RSPO1: variants seen among roughly 807,000 people sequenced by gnomAD.
The protein encoded by RSPO1 is R-spondin-1.
In RSPO1, 18 loss-of-function variants were observed where a neutral mutation model predicts 26.0. The observed-to-expected ratio is 0.69, with a 90% confidence interval of 0.48 to 1.03. The LOEUF is 1.03. Among genes scored for constraint, RSPO1 ranks in the 50% least tolerant of loss-of-function variants. The pLI, the probability that RSPO1 is intolerant of heterozygous loss-of-function variation, is 0.00. For synonymous variants in RSPO1, 133 were observed against 137.4 expected, an observed-to-expected ratio of 0.97 and a Z score of 0.22; for missense variants, 309 against 352.3, an observed-to-expected ratio of 0.88 and a Z score of 0.98.
chr1:37,616,373 C>G, intron 4 of RSPO1, 111 bp downstream of exon 4: 1 of 967,298 alleles, frequency 1.0e-6, no homozygotes, highest in South Asian at 1.4e-5. Context: ...CTCATCTCCT[C>G]TCCTCAGAGC....
At chr1:37,618,795 G>A (rs1570104196) in intron 3 of RSPO1, among the ~76,000 whole-genome samples, 1 of 152,170 alleles carries the variant, frequency 6.6e-6, no homozygotes, top group Non-Finnish European at 1.5e-5. Flanking sequence ...AGAGAAGCGA[G>A]TTGAGAGGGA....
At chr1:37,630,027 A>G in intron 2 of RSPO1, 78 bp from the exon 3 acceptor site, 1 of 692,076 alleles carries the variant, frequency 1.4e-6, no homozygotes, top group South Asian at 1.7e-5. Context: ...CCTACCCAGA[A>G]GACTGGGAGC....
At chr1:37,627,243 C>G (rs1402212638) in intron 3 of RSPO1, among the ~76,000 whole-genome samples, 1 of 152,100 alleles carries the variant, frequency 6.6e-6, no homozygotes, top group African/African-American at 2.4e-5. Flanking sequence ...CCACGCTTGT[C>G]TTATCGAGAG....
In RSPO1 at chr1:37,612,903, C is replaced by G; in HGVS notation, c.644G>C (p.Gly215Ala). The change falls in exon 7 of 7, where the codon GGA becomes GCA. Residue 215 changes from glycine to alanine, a missense_variant. Physicochemically the swap from Gly to Ala is moderately conservative, Grantham distance 60. Transcript: ENST00000356545. ...GGCATTCTCCCGCCGGCCCTGGCCT[C>G]CCTTCCTCCTCTTCTGCCCTGAAAC... ...PCPEGQKRRK[G>A]GQGRRENANR... 6.2e-7 allele frequency: 1 copy of G among 1,614,132 alleles called. No individual in the cohort carries two copies. The highest frequency in any genetic ancestry group is 8.5e-7 in the Non-Finnish European group (1 of 1,180,036).
chr1:37,612,716 G>C lies in RSPO1; in HGVS notation c.*39C>G. ...AGCTTGAATCACGCAGAGTAGCACT[G>C]AACTCTTTCTGCATGGGCCTGGAGG... On this transcript the variant is annotated 3_prime_UTR_variant, in exon 7 of 7. Coordinates refer to ENST00000356545, the MANE Select transcript of RSPO1 (RefSeq NM_001242908.2). 1 of 1,600,776 alleles carries C rather than the reference G, an allele frequency of 6.2e-7. No homozygotes were observed. The highest frequency in any genetic ancestry group is 1.1e-5 in the South Asian group (1 of 90,984).
chr1:37,631,807 G>A (rs887700407), intron 2 of RSPO1: 6 of 152,154 alleles, frequency 3.9e-5, no homozygotes, highest in Admixed American at 2.6e-4. Flanking sequence ...CATTCAAAAG[G>A]CAATATGAAC....
rs768623621 is a variant in RSPO1 at position 37,612,713 on chromosome 1, A to G, written c.*42T>C. On this transcript the variant is annotated 3_prime_UTR_variant, in exon 7 of 7. Transcript: ENST00000356545. ...GAAAGCTTGAATCACGCAGAGTAGC[A>G]CTGAACTCTTTCTGCATGGGCCTGG... 2 of 1,597,708 alleles carry G rather than the reference A, an allele frequency of 1.3e-6. No individual in the cohort carries two copies. Among genetic ancestry groups the G allele is most frequent in the Admixed American group, 3.3e-5 (2 of 60,004 alleles).
Position 37,613,519 on chromosome 1 carries a change from G to A in RSPO1, c.625+185C>T, listed in dbSNP as rs1365068511. ...TCCAGCTTCCACTATGCAGAGTTCT[G>A]AGGCCCTGTTCTCTGCCAGGACATG... On this transcript the variant is annotated intron_variant, in intron 6 of 6. Coordinates refer to ENST00000356545, the MANE Select transcript of RSPO1 (RefSeq NM_001242908.2). This position sits in a 1 kb window ranked among gnomAD's most constrained non-coding sequence, Gnocchi z 4.5. Among the ~76,000 whole-genome samples, 2 of 152,236 alleles carry A rather than the reference G, an allele frequency of 1.3e-5. No individual in the cohort carries two copies. Among genetic ancestry groups the A allele is most frequent in the African/African-American group, 4.8e-5 (2 of 41,456 alleles).
chr1:37,612,968 A>T, intron 6 of RSPO1, 47 bp from the exon 7 acceptor site: 1 of 1,605,864 alleles, frequency 6.2e-7, no homozygotes, highest in Non-Finnish European at 8.5e-7. Context: ...ATGTGCAGGG[A>T]GGCCCTGGGC....
chr1:37,621,476 T>C (rs894845198), intron 3 of RSPO1, among the ~76,000 whole-genome samples: 4 of 151,766 alleles, frequency 2.6e-5, no homozygotes, highest in Admixed American at 2.0e-4. Context: ...CGTGAGATGG[T>C]CAGGCGGCAG....
chr1:37,619,011 C>G (rs1644160101), intron 3 of RSPO1, among the ~76,000 whole-genome samples: 1 of 152,110 alleles, frequency 6.6e-6, no homozygotes, highest in Non-Finnish European at 1.5e-5. Flanking sequence ...CACCTGAGGT[C>G]AGGAGTTCAA....
intron 2 of RSPO1, among the ~76,000 whole-genome samples, chr1:37,631,560 A>C (rs527463708): frequency 4.6e-5 from 7 of 152,304 alleles, no homozygotes; most frequent in Admixed American, 1.3e-4. Context: ...ACGGGCATAA[A>C]CTTCAGAGTC....
At chr1:37,616,462 C>G in intron 4 of RSPO1, 22 bp downstream of exon 4, 3 of 1,612,652 alleles carry the variant, frequency 1.9e-6, no homozygotes, top group Non-Finnish European at 2.5e-6. Context: ...CCCCTGCCCC[C>G]GACAGCCCTG....
At chr1:37,619,735 T>A (rs539447288) in intron 3 of RSPO1, among the ~76,000 whole-genome samples, 27 of 152,132 alleles carry the variant, frequency 1.8e-4, no homozygotes, top group Admixed American at 7.2e-4. Flanking sequence ...GTTATTTTTT[T>A]AAAATATATT....
intron 3 of RSPO1, among the ~76,000 whole-genome samples, chr1:37,622,849 C>T (rs185907200): frequency 7.2e-5 from 11 of 151,974 alleles, no homozygotes; most frequent in Admixed American, 3.3e-4. Flanking sequence ...CAGTGGGCTT[C>T]GGAGTGAGTG....
Position 37,629,701 on chromosome 1 carries a change from T to C in RSPO1, c.-40A>G. On this transcript the variant is annotated 5_prime_UTR_variant, in exon 3 of 7. Transcript: ENST00000356545. ...TCCAGGCCCCTGGTCGGAGGGGTGG[T>C]CTCGGGGAGGGTGGATAGCACACGG... is the stretch of plus-strand genomic sequence containing the variant. The C allele has an allele frequency of 6.2e-7, 1 of 1,611,668 alleles. No homozygotes were observed. Among genetic ancestry groups the C allele is most frequent in the Non-Finnish European group, 8.5e-7 (1 of 1,179,040 alleles).
intron 3 of RSPO1, among the ~76,000 whole-genome samples, chr1:37,624,158 A>G (rs182841260): frequency 1.1e-4 from 16 of 151,770 alleles, no homozygotes; most frequent in Admixed American, 8.5e-4. Flanking sequence ...ACAGTGGCAC[A>G]TGCTGTAGTC....
At chr1:37,614,826 G>C (rs960483617) in intron 4 of RSPO1, among the ~76,000 whole-genome samples, 4 of 152,194 alleles carry the variant, frequency 2.6e-5, no homozygotes, top group Non-Finnish European at 5.9e-5. Flanking sequence ...CCAAACTGTG[G>C]TTCTCCTCCT....
At chr1:37,628,890 C>A (rs577278842) in intron 3 of RSPO1, among the ~76,000 whole-genome samples, 1 of 152,352 alleles carries the variant, frequency 6.6e-6, no homozygotes, top group African/African-American at 2.4e-5. Flanking sequence ...AGAACCCTCT[C>A]TTCCAACGAC....
Sources: gnomAD v4.1 joint callset for allele counts (sites outside exome capture counted in the v4.1 genomes callset) on GRCh38, gnomAD v4.1.1 for gene constraint, Gnocchi (gnomAD v3.1) non-coding constraint, MANE v1.5 for transcripts, NCBI Gene and HGNC (gene_info 2026-07-23, HGNC 2026-07-21) for gene names.